The following UBOX5 variants were observed in gnomAD, a reference collection of about 807,000 sequenced individuals.
UBOX5 encodes U-box domain containing 5, also known as RING finger protein 37.
In UBOX5, 28 loss-of-function variants were observed where a neutral mutation model predicts 39.0. The ratio of observed to expected loss-of-function variants is 0.72; its 90% CI spans 0.53 to 0.98. The LOEUF (loss-of-function observed/expected upper bound fraction) is 0.98, where lower values mean the gene tolerates loss of function less well. Among genes scored for constraint, UBOX5 ranks in the 50% least tolerant of loss-of-function variants. The pLI is 0.00. For synonymous variants in UBOX5, 283 were observed against 275.5 expected, an observed-to-expected ratio of 1.03 and a Z score of -0.27; for missense variants, 585 against 674.4, an observed-to-expected ratio of 0.87 and a Z score of 1.47.
At chr20:3,114,617 C>G (rs917550908) in intron 4 of UBOX5, among the ~76,000 whole-genome samples, 3 of 152,028 alleles carry the variant, frequency 2.0e-5, no homozygotes, top group Non-Finnish European at 2.9e-5. Flanking sequence ...ACATAAAGTG[C>G]CCCGGATGTC....
At position 3,108,878 on chromosome 20, in the gene UBOX5, A is replaced by C. The variant is rs1317298466; in HGVS notation, c.*1228T>G. The C allele has an allele frequency of 6.7e-6, 1 of 149,482 alleles. No homozygotes were observed. Among genetic ancestry groups the C allele is most frequent in the Non-Finnish European group, 1.5e-5 (1 of 67,616 alleles). The allele number at this position is 149,482 out of a possible 1,614,324, so 9.3% of individuals were successfully genotyped here. A position where few individuals can be genotyped will look rare whatever the true frequency, so the allele number is the denominator to read the frequency against. On this transcript the variant is annotated 3_prime_UTR_variant, in exon 5 of 5. Coordinates refer to ENST00000217173, the MANE Select transcript of UBOX5 (RefSeq NM_014948.4). ...AGCCCAGGAGTTCGAGGCTGCAATG[A>C]GTTATGATTGCACCACTGCCCTCAA...
At chr20:3,117,886 G>C (rs1280065349) in intron 3 of UBOX5, among the ~76,000 whole-genome samples, 1 of 152,106 alleles carries the variant, frequency 6.6e-6, no homozygotes, top group Non-Finnish European at 1.5e-5. Flanking sequence ...CAGCTAATCA[G>C]GAGGCTGAGG....
intron 1 of UBOX5, among the ~76,000 whole-genome samples, chr20:3,128,054 A>G (rs919582754): frequency 1.3e-5 from 2 of 152,244 alleles, no homozygotes; most frequent in Admixed American, 1.3e-4. Flanking sequence ...AGTTTCTACA[A>G]TTCCTTTTCT....
intron 1 of UBOX5, among the ~76,000 whole-genome samples, chr20:3,131,970 T>C (rs1027513795): frequency 5.3e-5 from 7 of 133,210 alleles, no homozygotes; most frequent in African/African-American, 2.0e-4. Flanking sequence ...ATCGAGCCAC[T>C]GCACTCCAGC....
chr20:3,112,921 G>GTGCCAC lies in UBOX5; in HGVS notation c.1417+2378_1417+2383dup, dbSNP rs983805233. On this transcript the variant is annotated intron_variant, in intron 4 of 4. Transcript: ENST00000217173. ...AAAGAGGTTGCAGTGAGCCAGGATT[G>GTGCCAC]TGCCACTGCACTCCAGCCTGGGCGA... Among the ~76,000 whole-genome samples the GTGCCAC allele has an allele frequency of 4.6e-5, 7 of 151,928 alleles. No individual in the cohort carries two copies. The South Asian group carries it at 6.3e-4, about 14-fold the overall frequency.
At chr20:3,126,567 G>T (rs1275253292) in intron 1 of UBOX5, among the ~76,000 whole-genome samples, 4 of 147,198 alleles carry the variant, frequency 2.7e-5, no homozygotes, top group Non-Finnish European at 6.0e-5. Flanking sequence ...ACAGAAGGAA[G>T]TAAGTTGGGC....
chr20:3,117,303 AC>A (rs1277687207), intron 3 of UBOX5, among the ~76,000 whole-genome samples: 1 of 151,476 alleles, frequency 6.6e-6, no homozygotes, highest in Admixed American at 6.6e-5. Context: ...ACACACACAC[AC>A]ACACACACAC....
chr20:3,148,022 T>C (rs2066586079), intron 1 of UBOX5: 1 of 1,614,210 alleles, frequency 6.2e-7, no homozygotes, highest in Non-Finnish European at 8.5e-7. Flanking sequence ...ACTACTCAGA[T>C]GCTGAATGTT....
At chr20:3,117,370 A>G (rs995993370) in intron 3 of UBOX5, among the ~76,000 whole-genome samples, 1 of 151,758 alleles carries the variant, frequency 6.6e-6, no homozygotes, top group African/African-American at 2.4e-5. Flanking sequence ...TCCTAACACT[A>G]GCAAACAGAA....
rs1600413852 is a variant in UBOX5 at position 3,149,272 on chromosome 20, G to A, written c.-42+10494C>T. 1.8e-6 allele frequency: 1 copy of A among 568,614 alleles called. No individual in the cohort carries two copies. Among genetic ancestry groups the A allele is most frequent in the East Asian group, 2.9e-5 (1 of 34,544 alleles). 35.2% of individuals were successfully genotyped at this position (568,614 alleles called of 1,614,324 possible). A position where few individuals can be genotyped will look rare whatever the true frequency, so the allele number is the denominator to read the frequency against. On this transcript the variant is annotated intron_variant, in intron 1 of 4. Transcript: ENST00000217173. The surrounding 1 kb of genome is among the most constrained non-coding windows in gnomAD (Gnocchi z 4.1). ...ATTGGTGCCAGATACTGAAAAAAGG[G>A]TAGATGAAGAATGAGTGGCTTCTAC... is the stretch of plus-strand genomic sequence containing the variant.
intron 1 of UBOX5, among the ~76,000 whole-genome samples, chr20:3,123,673 A>G (rs558131110): frequency 4.2e-4 from 64 of 152,346 alleles, no homozygotes; most frequent in Non-Finnish European, 2.6e-4. Flanking sequence ...CAAAGACCCA[A>G]TGGAGGCAAG....
At chr20:3,155,782 T>C (rs1207956309) in intron 1 of UBOX5, among the ~76,000 whole-genome samples, 1 of 152,190 alleles carries the variant, frequency 6.6e-6, no homozygotes, top group Non-Finnish European at 1.5e-5. Context: ...TTTAAAGATG[T>C]TCAATAACAG....
intron 1 of UBOX5, among the ~76,000 whole-genome samples, chr20:3,127,584 A>AC: frequency 6.6e-6 from 1 of 152,250 alleles, no homozygotes; most frequent in African/African-American, 2.4e-5. Flanking sequence ...AAATCACATC[A>AC]CCGAGAGCAA....
chr20:3,133,446 C>CT (rs1385920988), intron 1 of UBOX5, among the ~76,000 whole-genome samples: 3 of 152,088 alleles, frequency 2.0e-5, no homozygotes, highest in South Asian at 4.1e-4. Flanking sequence ...AAAGACAAGG[C>CT]TTGAGTATAA....
At position 3,146,366 on chromosome 20, in the gene UBOX5, T is replaced by TA. The variant is rs1289937632; in HGVS notation, c.-42+13399dup. On this transcript the variant is annotated intron_variant, in intron 1 of 4. Coordinates refer to ENST00000217173, the MANE Select transcript of UBOX5 (RefSeq NM_014948.4). ...AAAAAACAAACAAAAAAACTGGCTT[T>TA]AAAAAAAAAAAAAATCTGTAAGGGT... 8.1e-3 allele frequency among the ~76,000 whole-genome samples: 756 copies of TA among 93,244 alleles called. 2 individuals carry two copies. The highest frequency in any genetic ancestry group is 0.01 in the Non-Finnish European group (479 of 47,420). The allele number at this position is 93,244 out of a possible 152,430, so 61.2% of individuals were successfully genotyped here.
intron 1 of UBOX5, among the ~76,000 whole-genome samples, chr20:3,127,229 C>T (rs1298915897): frequency 6.6e-6 from 1 of 152,070 alleles, no homozygotes; most frequent in African/African-American, 2.4e-5. Flanking sequence ...TTCTCCCTGA[C>T]AGTCGTGGCC....
At position 3,108,310 on chromosome 20, in the gene UBOX5, G is replaced by T. The variant is rs1197704384; in HGVS notation, c.*1796C>A. The T allele has an allele frequency of 1.3e-5, 2 of 152,336 alleles. No homozygotes were observed. Among genetic ancestry groups the T allele is most frequent in the African/African-American group, 4.8e-5 (2 of 41,446 alleles). The allele number at this position is 152,336 out of a possible 1,614,324, so 9.4% of individuals were successfully genotyped here. The stretch of plus-strand genomic sequence containing the variant: ...TTTAGTAGAGATGGGGTTTTGCCAT[G>T]TTGGCCAGGCTGGTCTCGAACTCTT... On this transcript the variant is annotated 3_prime_UTR_variant, in exon 5 of 5. Transcript: ENST00000217173.
intron 1 of UBOX5, chr20:3,147,438 G>C (rs374630023): frequency 1.2e-6 from 2 of 1,614,100 alleles, no homozygotes; most frequent in Non-Finnish European, 1.7e-6. Context: ...AAATACCACA[G>C]CAATTCAGAC....
At chr20:3,118,848 A>T (rs566098274) in intron 3 of UBOX5, among the ~76,000 whole-genome samples, 3 of 152,164 alleles carry the variant, frequency 2.0e-5, no homozygotes, top group Non-Finnish European at 4.4e-5. Flanking sequence ...CTGAGGCATG[A>T]GAATTGCTTG....
Sources: allele counts gnomAD v4.1 joint callset (sites outside exome capture counted in the v4.1 genomes callset), GRCh38; gene constraint gnomAD v4.1.1; non-coding constraint Gnocchi (gnomAD v3.1); transcripts MANE v1.5; gene names NCBI Gene and HGNC (gene_info 2026-07-23, HGNC 2026-07-21).